BLK: variants seen among roughly 807,000 people sequenced by gnomAD.
The protein encoded by BLK is tyrosine-protein kinase Blk.
A neutral mutation model predicts 61.8 loss-of-function variants in BLK; 64 were observed. The ratio of observed to expected loss-of-function variants is 1.03; its 90% confidence interval spans 0.85 to 1.27. The LOEUF is 1.27. BLK is among the 50% of genes most tolerant of loss of function. The probability of loss-of-function intolerance (pLI) is 0.00; values close to 1 mark genes in which losing one functional copy is unlikely to be tolerated. For missense variants in BLK, 853 were observed against 660.5 expected, an observed-to-expected ratio of 1.29 and a Z score of -3.19; for synonymous variants, 351 against 272.0, an observed-to-expected ratio of 1.29 and a Z score of -2.86.
chr8:11,542,090 A>T (rs1195967462), intron 1 of BLK, among the ~76,000 whole-genome samples: 2 of 152,216 alleles, frequency 1.3e-5, no homozygotes, highest in East Asian at 3.8e-4. Context: ...AGGAGCAATG[A>T]CATGAGGAAT....
intron 7 of BLK, 38 bp downstream of exon 7, chr8:11,554,927 C>A: frequency 6.2e-7 from 1 of 1,605,146 alleles, no homozygotes. Flanking sequence ...GGACTTGTGC[C>A]AAGAGCCCCT....
intron 1 of BLK, among the ~76,000 whole-genome samples, chr8:11,514,111 C>G (rs1242575811): frequency 6.6e-6 from 1 of 152,116 alleles, no homozygotes; most frequent in Non-Finnish European, 1.5e-5. Context: ...TTTTGGTATC[C>G]CAGGAAATGA....
intron 9 of BLK, 26 bp downstream of exon 9, chr8:11,556,863 C>G (rs1563122087): frequency 6.2e-7 from 1 of 1,611,830 alleles, no homozygotes; most frequent in Non-Finnish European, 8.5e-7. Flanking sequence ...GAGCCGCATC[C>G]TCAGAGCGAG....
intron 4 of BLK, 50 bp downstream of exon 4, chr8:11,548,175 A>T (rs1311749656): frequency 7.3e-7 from 1 of 1,373,208 alleles, no homozygotes; most frequent in South Asian, 1.2e-5. Context: ...CCCCTCCCCC[A>T]CATCTCTCCT....
rs977260330 is a variant in BLK at position 11,535,248 on chromosome 8, G to C, written c.-1-7976G>C. ...AAGAAAGAAAAAGAAAAGAAGGAAAGGAAAGAAAGAAAGAAGAAAGAAAGA... is the reference window on the plus strand; with the variant it reads ...AAGAAAGAAAAAGAAAAGAAGGAAACGAAAGAAAGAAAGAAGAAAGAAAGA... On this transcript the variant is annotated intron_variant, in intron 1 of 12. Transcript: ENST00000259089. 8.5e-5 allele frequency among the ~76,000 whole-genome samples: 8 copies of C among 94,102 alleles called. 1 individual carries two copies. Among genetic ancestry groups the C allele is most frequent in the African/African-American group, 3.4e-4 (8 of 23,206 alleles). The allele number at this position is 94,102 out of a possible 152,430, so 61.7% of individuals were successfully genotyped here.
At chr8:11,533,605 A>G (rs67934857) in intron 1 of BLK, among the ~76,000 whole-genome samples, 5,015 of 113,018 alleles carry the variant, frequency 0.044, 297 homozygotes, top group African/African-American at 0.11. Flanking sequence ...GGAGGAGGAG[A>G]AGGAGGAGGA....
chr8:11,548,018 C>A lies in BLK; in HGVS notation c.176-14C>A. The A allele has an allele frequency of 1.9e-6, 3 of 1,612,598 alleles. No homozygotes were observed. The highest frequency in any genetic ancestry group is 2.5e-6 in the Non-Finnish European group (3 of 1,178,660). On this transcript the variant is annotated splice_polypyrimidine_tract_variant and intron_variant, in intron 3 of 12. Transcript: ENST00000259089. ...GGGCCTGAGTGGTGGTCATCTCTCCCTTGTTCATTTTAGACAAGCATTTCG... is the reference window on the plus strand; with the variant it reads ...GGGCCTGAGTGGTGGTCATCTCTCCATTGTTCATTTTAGACAAGCATTTCG...
intron 1 of BLK, among the ~76,000 whole-genome samples, chr8:11,515,071 C>G (rs1158300181): frequency 6.6e-6 from 1 of 152,186 alleles, no homozygotes; most frequent in African/African-American, 2.4e-5. Flanking sequence ...CCACACAGGC[C>G]AGCAGTCACT....
chr8:11,553,333 G>C (rs1467125536), intron 6 of BLK: 3 of 410,856 alleles, frequency 7.3e-6, no homozygotes, highest in Non-Finnish European at 1.4e-5. Context: ...TCATCTCAGA[G>C]CCAGGCCCTG....
At chr8:11,504,111 G>A (rs542024264) in intron 1 of BLK, among the ~76,000 whole-genome samples, 1 of 152,154 alleles carries the variant, frequency 6.6e-6, no homozygotes, top group South Asian at 2.1e-4. Context: ...ATCACTTGAG[G>A]TCAGGAGTTT....
intron 1 of BLK, among the ~76,000 whole-genome samples, chr8:11,523,562 A>C (rs1026231328): frequency 7.9e-5 from 12 of 152,072 alleles, no homozygotes; most frequent in African/African-American, 2.7e-4. Flanking sequence ...CAAAACAAAC[A>C]AAAAAAATTA....
intron 1 of BLK, among the ~76,000 whole-genome samples, chr8:11,518,886 T>C (rs1470081803): frequency 6.6e-6 from 1 of 152,204 alleles, no homozygotes; most frequent in African/African-American, 2.4e-5. Flanking sequence ...CTGCCCTCTG[T>C]GCTTTGCAAA....
At chr8:11,516,650 T>C (rs1799240812) in intron 1 of BLK, among the ~76,000 whole-genome samples, 1 of 152,214 alleles carries the variant, frequency 6.6e-6, no homozygotes, top group Non-Finnish European at 1.5e-5. Flanking sequence ...ATTGGGCTAC[T>C]TTAGGGACTT....
intron 10 of BLK, 68 bp downstream of exon 10, chr8:11,558,106 G>C (rs1801320966): frequency 1.4e-6 from 2 of 1,481,010 alleles, no homozygotes; most frequent in Non-Finnish European, 1.9e-6. Flanking sequence ...GGCTGCTCGT[G>C]CCTTACCACC....
At chr8:11,502,693 C>T (rs1798610613) in intron 1 of BLK, among the ~76,000 whole-genome samples, 1 of 152,232 alleles carries the variant, frequency 6.6e-6, no homozygotes, top group African/African-American at 2.4e-5. Context: ...CAAGCTGGCC[C>T]CCAGTGCATC....
intron 1 of BLK, chr8:11,509,620 C>T (rs1453532213): frequency 1.3e-5 from 2 of 152,148 alleles, no homozygotes; most frequent in Non-Finnish European, 2.9e-5. Context: ...ACCCGGCTGC[C>T]TTTTCAGCCT....
intron 1 of BLK, among the ~76,000 whole-genome samples, chr8:11,532,486 C>T (rs1799931265): frequency 6.6e-6 from 1 of 151,910 alleles, no homozygotes; most frequent in Non-Finnish European, 1.5e-5. Flanking sequence ...GCTGGGATTA[C>T]AGGCATGAGC....
At chr8:11,533,521 GT>G (rs1187708295) in intron 1 of BLK, among the ~76,000 whole-genome samples, 1 of 151,476 alleles carries the variant, frequency 6.6e-6, no homozygotes, top group Non-Finnish European at 1.5e-5. Flanking sequence ...AAGACCAAGG[GT>G]TTGAAGTCAG....
chr8:11,537,570 G>A (rs1478898), intron 1 of BLK, among the ~76,000 whole-genome samples: 61,357 of 152,028 alleles, frequency 0.4, 13,431 homozygotes, highest in Non-Finnish European at 0.5. Context: ...GGCCACAGGT[G>A]CACCTGTTTT....
Sources: allele counts gnomAD v4.1 joint callset (sites outside exome capture counted in the v4.1 genomes callset), GRCh38; gene constraint gnomAD v4.1.1; transcripts MANE v1.5; gene names NCBI Gene and HGNC (gene_info 2026-07-23, HGNC 2026-07-21).